USP12: variants seen among roughly 807,000 people sequenced by gnomAD.
The protein encoded by USP12 is ubiquitin specific peptidase 12.
Under a neutral mutation model 45.5 loss-of-function variants are expected in USP12, and 19 were observed. That is an observed-to-expected ratio of 0.42 (90% CI 0.29 to 0.61). The LOEUF (loss-of-function observed/expected upper bound fraction) is 0.61, where lower values mean the gene tolerates loss of function less well. USP12 is among the 20% of genes least tolerant of loss of function. The pLI, the probability that USP12 is intolerant of heterozygous loss-of-function variation, is 0.22. For synonymous variants in USP12, 149 were observed against 148.8 expected (o/e 1.00, Z -0.01); for missense variants, 242 against 447.7 (o/e 0.54, Z 4.15).
At position 27,075,223 on chromosome 13, in the gene USP12, G is replaced by A. The variant is rs1873422178; in HGVS notation, c.900C>T (p.Tyr300=). Residue 300 remains tyrosine, a synonymous_variant, in exon 7 of 9, where the codon TAC becomes TAT. Coordinates refer to ENST00000282344, the MANE Select transcript of USP12 (RefSeq NM_182488.4). ...SGDATNPDRM[Y]DLVAVVVHCG... ...AGTGAACCACAACAGCAACAAGGTC[G>A]TACATTCTGTCTGGATTGGTGGCAT... The A allele has an allele frequency of 6.2e-7, 1 of 1,613,790 alleles. No homozygotes were observed. Among genetic ancestry groups the A allele is most frequent in the Admixed American group, 1.7e-5 (1 of 59,986 alleles).
At chr13:27,090,246 T>A in intron 4 of USP12, 88 bp from the exon 5 acceptor site, 1 of 1,029,558 alleles carries the variant, frequency 9.7e-7, no homozygotes, top group Non-Finnish European at 1.4e-6. Context: ...ATTCTATTAT[T>A]ATCAGTAAGT....
intron 6 of USP12, among the ~76,000 whole-genome samples, chr13:27,080,730 C>T (rs1565982833): frequency 6.6e-6 from 1 of 152,002 alleles, no homozygotes; most frequent in Non-Finnish European, 1.5e-5. Context: ...AAGTGAGGAC[C>T]GCAATAAAGT....
intron 2 of USP12, among the ~76,000 whole-genome samples, chr13:27,108,531 A>T (rs1875265197): frequency 3.4e-4 from 1 of 2,948 alleles, no homozygotes; most frequent in Admixed American, 0.023. Flanking sequence ...CTTAAAGCAT[A>T]AAAAAAAAAA....
intron 6 of USP12, chr13:27,089,657 A>G (rs1001838693): frequency 4.9e-5 from 23 of 467,712 alleles, no homozygotes; most frequent in Non-Finnish European, 8.8e-5. Context: ...TGATGATTAA[A>G]TAATCGCTAG....
intron 1 of USP12, chr13:27,117,633 T>C (rs1318122731): frequency 5.7e-6 from 2 of 353,664 alleles, no homozygotes; most frequent in African/African-American, 2.2e-5. Context: ...GTGTGTTTAA[T>C]AGCACACGGA....
intron 1 of USP12, among the ~76,000 whole-genome samples, chr13:27,151,747 G>A (rs557265856): frequency 1.1e-4 from 16 of 152,084 alleles, no homozygotes; most frequent in Non-Finnish European, 2.1e-4. Context: ...ACTCCAGCCT[G>A]AGTAACACAG....
chr13:27,165,224 A>G (rs76087864), intron 1 of USP12, among the ~76,000 whole-genome samples: 2,278 of 152,276 alleles, frequency 0.015, 24 homozygotes, highest in Middle Eastern at 0.027. Flanking sequence ...CAGATAAAAG[A>G]AATAAATTAT....
chr13:27,130,379 A>G (rs1876436968), intron 1 of USP12, among the ~76,000 whole-genome samples: 1 of 152,154 alleles, frequency 6.6e-6, no homozygotes, highest in South Asian at 2.1e-4. Flanking sequence ...CAGTGACCAC[A>G]CACAACAAGG....
chr13:27,161,960 G>A (rs1182671242), intron 1 of USP12, among the ~76,000 whole-genome samples: 3 of 151,616 alleles, frequency 2.0e-5, no homozygotes, highest in Non-Finnish European at 4.4e-5. Flanking sequence ...GATTTTAAGG[G>A]TAATCTAAAA....
chr13:27,106,861 AAAAAG>A (rs558057600), intron 2 of USP12, among the ~76,000 whole-genome samples: 129 of 152,310 alleles, frequency 8.5e-4, no homozygotes, highest in African/African-American at 2.7e-3. Flanking sequence ...TTCTAAAATA[AAAAAG>A]AAATGTCTAA....
intron 2 of USP12, among the ~76,000 whole-genome samples, chr13:27,111,009 G>A (rs921396256): frequency 6.6e-6 from 1 of 152,162 alleles, no homozygotes; most frequent in African/African-American, 2.4e-5. Flanking sequence ...TAAAAAACTA[G>A]AGGGAGTCTC....
At chr13:27,155,707 A>C (rs1024739628) in intron 1 of USP12, among the ~76,000 whole-genome samples, 7 of 152,218 alleles carry the variant, frequency 4.6e-5, no homozygotes, top group Admixed American at 3.9e-4. Flanking sequence ...GTCAAGTTTT[A>C]GTGTATAATC....
At chr13:27,128,013 G>A (rs943468277) in intron 1 of USP12, among the ~76,000 whole-genome samples, 1 of 152,112 alleles carries the variant, frequency 6.6e-6, no homozygotes, top group African/African-American at 2.4e-5. Flanking sequence ...ACAGTATTCC[G>A]ATTATTTTAT....
chr13:27,094,116 T>C lies in USP12; in HGVS notation c.573+1485A>G, dbSNP rs140067567. Among the ~76,000 whole-genome samples, 786 of 148,958 alleles carry C rather than the reference T, an allele frequency of 5.3e-3. 4 individuals carry two copies. Among genetic ancestry groups the C allele is most frequent in the South Asian group, 0.031 (146 of 4,702 alleles). On this transcript the variant is annotated intron_variant, in intron 4 of 8. Transcript: ENST00000282344. ...TCATAAATGCATGCTAAATCTTGGG[T>C]GAGATTTTGATGAGGAGGGAGGTAT...
intron 6 of USP12, among the ~76,000 whole-genome samples, chr13:27,084,555 T>C (rs1369351272): frequency 2.0e-5 from 3 of 151,186 alleles, no homozygotes; most frequent in Admixed American, 6.6e-5. Flanking sequence ...CATTTTGAGC[T>C]AATTTTTTGT....
chr13:27,145,192 G>GT (rs1877257603), intron 1 of USP12, among the ~76,000 whole-genome samples: 1 of 152,146 alleles, frequency 6.6e-6, no homozygotes, highest in African/African-American at 2.4e-5. Context: ...GAAGTGTAAG[G>GT]TATTTCCCAG....
At chr13:27,134,376 A>T (rs756820251) in intron 1 of USP12, among the ~76,000 whole-genome samples, 1 of 152,210 alleles carries the variant, frequency 6.6e-6, no homozygotes, top group Admixed American at 6.5e-5. Context: ...GAAAAGAGAC[A>T]CAGAAAAAAA....
At chr13:27,083,648 C>G (rs1057011110) in intron 6 of USP12, among the ~76,000 whole-genome samples, 9 of 152,222 alleles carry the variant, frequency 5.9e-5, no homozygotes, top group African/African-American at 2.2e-4. Context: ...GTTCAATAGG[C>G]ATGCTATATA....
intron 1 of USP12, among the ~76,000 whole-genome samples, chr13:27,166,169 T>C (rs1878336935): frequency 6.6e-6 from 1 of 152,186 alleles, no homozygotes; most frequent in Non-Finnish European, 1.5e-5. Flanking sequence ...GAATTTACCT[T>C]CTGGTCCAAC....
Sources: gnomAD v4.1 joint callset for allele counts (sites outside exome capture counted in the v4.1 genomes callset) on GRCh38, gnomAD v4.1.1 for gene constraint, MANE v1.5 for transcripts, NCBI Gene and HGNC (gene_info 2026-07-23, HGNC 2026-07-21) for gene names.